The following CWF19L2 variants were observed in gnomAD, a reference collection of about 807,000 sequenced individuals.
CWF19L2 encodes CWF19 like cell cycle control factor 2, also known as CWF19-like protein 2.
CWF19L2 carries 98 observed loss-of-function variants against 111.7 expected under a neutral mutation model. The observed-to-expected ratio is 0.88, with a 90% CI of 0.75 to 1.04. The LOEUF (loss-of-function observed/expected upper bound fraction) is 1.04, where lower values mean the gene tolerates loss of function less well. CWF19L2 is among the 50% of genes least tolerant of loss of function. The pLI is 0.00. For synonymous variants in CWF19L2, 351 were observed against 342.9 expected, an observed-to-expected ratio of 1.02 and a Z score of -0.26; for missense variants, 1,101 against 1,051.4, an observed-to-expected ratio of 1.05 and a Z score of -0.65.
intron 6 of CWF19L2, among the ~76,000 whole-genome samples, chr11:107,437,681 C>A (rs1011824678): frequency 6.6e-6 from 1 of 152,166 alleles, no homozygotes; most frequent in Admixed American, 6.5e-5. Context: ...CTCCTAGTAT[C>A]TTTGATTCTG....
chr11:107,396,981 C>T (rs1237393698), intron 10 of CWF19L2, among the ~76,000 whole-genome samples: 7 of 152,098 alleles, frequency 4.6e-5, no homozygotes, highest in Admixed American at 2.0e-4. Flanking sequence ...AAGTGAAATA[C>T]AGGGGTAGAG....
At position 107,391,395 on chromosome 11, in the gene CWF19L2, G is replaced by A. The variant is rs373557922; in HGVS notation, c.1735-1184C>T. Among the ~76,000 whole-genome samples the A allele has an allele frequency of 1.8e-3, 275 of 152,286 alleles. 13 individuals are homozygous for A. The South Asian group carries it at 0.055, about 30-fold the overall frequency. On this transcript the variant is annotated intron_variant, in intron 11 of 17. Coordinates refer to ENST00000282251, the MANE Select transcript of CWF19L2 (RefSeq NM_152434.3). Reference sequence around the variant, plus strand: ...AAGCGTGCCCTCATCAGACAATGAAGCTGCCATTCCAAGTCCTAATCTTGG... The same window carrying A: ...AAGCGTGCCCTCATCAGACAATGAAACTGCCATTCCAAGTCCTAATCTTGG...
intron 14 of CWF19L2, among the ~76,000 whole-genome samples, chr11:107,347,743 G>C (rs1339284064): frequency 6.6e-6 from 1 of 152,106 alleles, no homozygotes; most frequent in Non-Finnish European, 1.5e-5. Context: ...TATTATATTT[G>C]TGTACTCAAT....
At chr11:107,337,236 T>C (rs895249592) in intron 14 of CWF19L2, among the ~76,000 whole-genome samples, 5 of 152,240 alleles carry the variant, frequency 3.3e-5, no homozygotes, top group African/African-American at 7.2e-5. Flanking sequence ...TCACATATAA[T>C]GCAGTCCTAT....
In CWF19L2 at chr11:107,338,747, T is replaced by A. The variant is rs557835865; in HGVS notation, c.2203-2034A>T. Among the ~76,000 whole-genome samples, 18 of 152,314 alleles carry A rather than the reference T, an allele frequency of 1.2e-4. No individual in the cohort carries two copies. The South Asian group carries it at 3.7e-3, about 32-fold the overall frequency. ...ATCCATGTCCCTGCAAAGGACATGA[T>A]CTCATTCCTTTTTATGGCTGCATAG... On this transcript the variant is annotated intron_variant, in intron 14 of 17. Transcript: ENST00000282251.
intron 3 of CWF19L2, among the ~76,000 whole-genome samples, chr11:107,450,674 A>G (rs1403854153): frequency 6.6e-6 from 1 of 152,176 alleles, no homozygotes; most frequent in Non-Finnish European, 1.5e-5. Flanking sequence ...ATTAAAACTA[A>G]AAGAATTTTA....
At chr11:107,356,537 T>G (rs1860239476) in intron 12 of CWF19L2, among the ~76,000 whole-genome samples, 2 of 152,236 alleles carry the variant, frequency 1.3e-5, no homozygotes, top group Admixed American at 1.3e-4. Context: ...TGTCTATTTA[T>G]GTAAACTGCA....
chr11:107,437,125 A>C (rs1351607581), intron 6 of CWF19L2, among the ~76,000 whole-genome samples: 3 of 151,976 alleles, frequency 2.0e-5, no homozygotes, highest in Non-Finnish European at 4.4e-5. Flanking sequence ...AAACCTTCCC[A>C]AAAGATTTAA....
In CWF19L2 at chr11:107,430,106, T is replaced by G. The variant is rs185499553; in HGVS notation, c.781-655A>C. ...TAATTTTAAAAATATATAAGAAAAT[T>G]TCCCCAGCCGATTTCTCAGAAGGAC... On this transcript the variant is annotated intron_variant, in intron 7 of 17. Coordinates refer to ENST00000282251, the MANE Select transcript of CWF19L2 (RefSeq NM_152434.3). Among the ~76,000 whole-genome samples, 657 of 151,708 alleles carry G rather than the reference T, an allele frequency of 4.3e-3. 3 individuals are homozygous for G. The highest frequency in any genetic ancestry group is 0.014 in the African/African-American group (584 of 41,412).
intron 10 of CWF19L2, among the ~76,000 whole-genome samples, chr11:107,408,096 T>C (rs1861106608): frequency 6.6e-6 from 1 of 152,028 alleles, no homozygotes; most frequent in Non-Finnish European, 1.5e-5. Flanking sequence ...CCTCAGAACA[T>C]TCTCTGGATG....
intron 12 of CWF19L2, among the ~76,000 whole-genome samples, chr11:107,369,350 G>C (rs981846343): frequency 7.3e-6 from 1 of 137,014 alleles, no homozygotes; most frequent in Non-Finnish European, 1.6e-5. Context: ...AGCTTCAGAG[G>C]CACCCTCTCT....
At chr11:107,426,256 C>T (rs1565279085) in intron 8 of CWF19L2, among the ~76,000 whole-genome samples, 1 of 151,644 alleles carries the variant, frequency 6.6e-6, no homozygotes, top group African/African-American at 2.4e-5. Flanking sequence ...ATATGGCAAA[C>T]TTCACTCATA....
intron 5 of CWF19L2, 79 bp from the exon 6 acceptor site, chr11:107,439,262 C>T (rs1408092248): frequency 2.0e-5 from 16 of 818,670 alleles, no homozygotes; most frequent in Non-Finnish European, 3.2e-5. Context: ...AAATCTGAGA[C>T]CCAGTTAATA....
intron 10 of CWF19L2, among the ~76,000 whole-genome samples, chr11:107,406,177 T>C (rs563839475): frequency 6.6e-6 from 1 of 152,300 alleles, no homozygotes; most frequent in South Asian, 2.1e-4. Flanking sequence ...GTGTAAATGT[T>C]TGAAAGCCTT....
intron 3 of CWF19L2, among the ~76,000 whole-genome samples, chr11:107,445,503 C>G (rs1008744254): frequency 1.3e-5 from 2 of 151,792 alleles, no homozygotes; most frequent in South Asian, 4.2e-4. Context: ...ACTTGAGAGG[C>G]TGAGGAAGGA....
chr11:107,354,408 C>T (rs749209212), intron 12 of CWF19L2, among the ~76,000 whole-genome samples: 2 of 152,120 alleles, frequency 1.3e-5, no homozygotes, highest in Non-Finnish European at 1.5e-5. Context: ...TATTTAATTT[C>T]TCTGTGCTCT....
chr11:107,415,326 T>C (rs1264469279), intron 10 of CWF19L2, among the ~76,000 whole-genome samples: 1 of 152,212 alleles, frequency 6.6e-6, no homozygotes, highest in African/African-American at 2.4e-5. Flanking sequence ...AGAATTGGCC[T>C]GTGCATTCCA....
chr11:107,428,901 TG>T lies in CWF19L2; in HGVS notation c.1330del (p.Gln444AsnfsTer16). 1 of 1,613,716 alleles carries T rather than the reference TG, an allele frequency of 6.2e-7. No homozygotes were observed. The highest frequency in any genetic ancestry group is 8.5e-7 in the Non-Finnish European group (1 of 1,179,716). On this transcript the variant is annotated frameshift_variant, in exon 8 of 18. Transcript: ENST00000282251. LOFTEE classifies it high-confidence loss of function. ...TTCTCTTGGGTCTTCTGGAACATGTTGGTGTTCATCAGTACTGGTTTCCGAT... is the reference window on the plus strand; with the variant it reads ...TTCTCTTGGGTCTTCTGGAACATGTTGTGTTCATCAGTACTGGTTTCCGAT... ...KPSETSTDEH[Q>X]HVPEDPREKS...
intron 3 of CWF19L2, 110 bp from the exon 4 acceptor site, chr11:107,443,159 C>T: frequency 4.1e-6 from 3 of 734,270 alleles, no homozygotes; most frequent in Non-Finnish European, 7.0e-6. Context: ...AATTCTTACA[C>T]TGTATTTCCC....
Sources: gnomAD v4.1 joint callset for allele counts (sites outside exome capture counted in the v4.1 genomes callset) on GRCh38, gnomAD v4.1.1 for gene constraint, MANE v1.5 for transcripts, NCBI Gene and HGNC (gene_info 2026-07-23, HGNC 2026-07-21) for gene names.